Variants in ZNF208 observed in about 807,000 individuals in gnomAD.
ZNF208 encodes the protein zinc finger protein 95.
In ZNF208, 10 loss-of-function variants were observed where a neutral mutation model predicts 12.1. That is an observed-to-expected ratio of 0.83 (90% CI 0.51 to 1.40). ZNF208 has a LOEUF of 1.40. ZNF208 is among the 40% of genes most tolerant of loss of function. The pLI, the probability that ZNF208 is intolerant of heterozygous loss-of-function variation, is 0.00. For missense variants in ZNF208, 1,652 were observed against 1,485.0 expected, an observed-to-expected ratio of 1.11 and a Z score of -1.85; for synonymous variants, 497 against 488.4, an observed-to-expected ratio of 1.02 and a Z score of -0.23.
chr19:21,943,087 A>G (rs2175367), intron 4 of ZNF208, among the ~76,000 whole-genome samples: 58,570 of 152,088 alleles, frequency 0.39, 11,713 homozygotes, highest in East Asian at 0.5. Context: ...ACTGTTACCT[A>G]AAAAATCAAC....
chr19:21,981,175 T>C, intron 3 of ZNF208, among the ~76,000 whole-genome samples: 1 of 151,832 alleles, frequency 6.6e-6, no homozygotes. Flanking sequence ...TTCCCAACAA[T>C]GGAAAAAGAG....
intron 1 of ZNF208, among the ~76,000 whole-genome samples, chr19:22,007,619 GT>G (rs1316609875): frequency 6.7e-6 from 1 of 149,998 alleles, no homozygotes; most frequent in Non-Finnish European, 1.5e-5. Context: ...ATTAGATATT[GT>G]TTTTTGAAAT....
At chr19:21,981,842 A>T (rs1970544363) in intron 3 of ZNF208, among the ~76,000 whole-genome samples, 1 of 152,202 alleles carries the variant, frequency 6.6e-6, no homozygotes, top group Non-Finnish European at 1.5e-5. Flanking sequence ...CCCTAAATGG[A>T]TAAGCAACTT....
chr19:21,973,508 G>T lies in ZNF208; in HGVS notation c.1526C>A (p.Ser509Tyr), dbSNP rs754034876. ...CEECGKAFNW[S>Y]SNLMEHKRIH... ...TCTCTTATGTTCCATAAGGTTTGAG[G>T]ACCAGTTGAAAGCTTTGCCACATTC... Residue 509 changes from serine to tyrosine, a missense_variant, in exon 4 of 4, where the codon TCC becomes TAC. This residue lies in a region of ZNF208 where 1,239 missense variants were observed against 1,086.2 expected (regional missense o/e 1.14). Coordinates refer to ENST00000397126, the MANE Select transcript of ZNF208 (RefSeq NM_007153.3). 1 of 1,610,572 alleles carries T rather than the reference G, an allele frequency of 6.2e-7. No individual in the cohort carries two copies. Among genetic ancestry groups the T allele is most frequent in the Non-Finnish European group, 8.5e-7 (1 of 1,179,176 alleles).
chr19:22,010,847 G>T lies in ZNF208; in HGVS notation c.-53C>A, dbSNP rs2145593084. ...CTTAGTTGTGGATCTCCCAATACCTGCAGGTCATAGGGCCACAGAGGCTGG... is the reference window on the plus strand; with the variant it reads ...CTTAGTTGTGGATCTCCCAATACCTTCAGGTCATAGGGCCACAGAGGCTGG... On this transcript the variant is annotated 5_prime_UTR_variant, in exon 1 of 4. It introduces an in-frame stop codon into an upstream open reading frame of the 5' UTR. Coordinates refer to ENST00000397126, the MANE Select transcript of ZNF208 (RefSeq NM_007153.3). 1 of 1,612,152 alleles carries T rather than the reference G, an allele frequency of 6.2e-7. No individual in the cohort carries two copies. Among genetic ancestry groups the T allele is most frequent in the Non-Finnish European group, 8.5e-7 (1 of 1,178,374 alleles).
intron 4 of ZNF208, chr19:21,940,428 A>C (rs1969716598): frequency 6.6e-6 from 1 of 152,180 alleles, no homozygotes; most frequent in Admixed American, 6.5e-5. Flanking sequence ...TTAGTCTCTA[A>C]GTTTGTGACC....
chr19:22,002,518 G>A (rs963570394), intron 1 of ZNF208, among the ~76,000 whole-genome samples: 42 of 152,110 alleles, frequency 2.8e-4, no homozygotes, highest in Non-Finnish European at 4.7e-4. Context: ...CAAAAGAAAT[G>A]TACAAAAATT....
At chr19:21,940,433 G>C (rs1023223645) in intron 4 of ZNF208, 4 of 152,094 alleles carry the variant, frequency 2.6e-5, no homozygotes, top group African/African-American at 7.2e-5. Flanking sequence ...CTCTAAGTTT[G>C]TGACCATTAA....
At chr19:21,941,452 CCACA>C (rs1459335058) in intron 4 of ZNF208, 1 of 398,806 alleles carries the variant, frequency 2.5e-6, no homozygotes, top group African/African-American at 2.1e-5. Context: ...ATCACAGTCA[CCACA>C]CAGTGAGTTA....
intron 4 of ZNF208, among the ~76,000 whole-genome samples, chr19:21,944,997 A>C (rs987226363): frequency 1.3e-5 from 2 of 152,224 alleles, no homozygotes; most frequent in Non-Finnish European, 2.9e-5. Flanking sequence ...CAGCATGCAC[A>C]TTTTGATTTT....
rs1341014169 is a variant in ZNF208, at chr19:21,968,580, T to C, written c.*2611A>G. 1 of 152,166 alleles carries C rather than the reference T, an allele frequency of 6.6e-6. No homozygotes were observed. The highest frequency in any genetic ancestry group is 2.4e-5 in the African/African-American group (1 of 41,446). 9.4% of individuals were successfully genotyped at this position (152,166 alleles called of 1,614,324 possible). A position where few individuals can be genotyped will look rare whatever the true frequency, so the allele number is the denominator to read the frequency against. ...ATAACTTTCTGATTTGCTTTTGAAT[T>C]CAGTTTGCTAGTATTTCATGGAGGA... is the stretch of plus-strand genomic sequence containing the variant. On this transcript the variant is annotated 3_prime_UTR_variant, in exon 4 of 4. Coordinates refer to ENST00000397126, the MANE Select transcript of ZNF208 (RefSeq NM_007153.3).
Position 21,972,261 on chromosome 19 carries a change from C to G in ZNF208, c.2773G>C (p.Ala925Pro). Residue 925 changes from alanine to proline, a missense_variant, in exon 4 of 4, where the codon GCC becomes CCC. Around this residue, in one of 3 missense-constraint regions of ZNF208, gnomAD observed 1,239 missense variants for 1,086.2 expected, o/e 1.14. Coordinates refer to ENST00000397126, the MANE Select transcript of ZNF208 (RefSeq NM_007153.3). The stretch of plus-strand genomic sequence containing the variant: ...CTAAAGACTGACAACCAGCTGAAGG[C>G]TTTGCCACATTCTTCACATTTGTAG... The part of the protein sequence containing the change: ...KPYKCEECGK[A>P]FSWLSVFSKH... The G allele has an allele frequency of 3.1e-6, 5 of 1,613,682 alleles. No homozygotes were observed. The highest frequency in any genetic ancestry group is 3.4e-6 in the Non-Finnish European group (4 of 1,179,908).
intron 1 of ZNF208, among the ~76,000 whole-genome samples, chr19:22,001,443 T>A (rs1210091510): frequency 6.6e-6 from 1 of 152,208 alleles, no homozygotes; most frequent in Non-Finnish European, 1.5e-5. Context: ...AAGCTGATAT[T>A]ATTTTTACTA....
rs531810537 is a variant in ZNF208, at chr19:21,996,933, G to A, written c.4-8024C>T. Among the ~76,000 whole-genome samples the A allele has an allele frequency of 1.9e-4, 29 of 152,264 alleles. No individual in the cohort carries two copies. The South Asian group carries it at 2.5e-3, about 13-fold the overall frequency. On this transcript the variant is annotated intron_variant, in intron 1 of 3. Transcript: ENST00000397126. The stretch of plus-strand genomic sequence containing the variant: ...ACACAATTCCACCTGCATATTTAGG[G>A]TACAGCATGCACTTCACAGCACAAC...
intron 4 of ZNF208, among the ~76,000 whole-genome samples, chr19:21,951,717 C>T (rs1969891202): frequency 1.3e-5 from 2 of 152,180 alleles, no homozygotes; most frequent in African/African-American, 2.4e-5. Flanking sequence ...TGGTCTGCAG[C>T]TCCAAATGTG....
chr19:21,969,370 A>G lies in ZNF208; in HGVS notation c.*1821T>C, dbSNP rs531013792. On this transcript the variant is annotated 3_prime_UTR_variant, in exon 4 of 4. Transcript: ENST00000397126. ...CTACTTCTTTTAAAGTTATATACAA[A>G]TAATTCTTCTTTTTGCCAACTTTAG... Among the ~76,000 whole-genome samples, 14 of 152,256 alleles carry G rather than the reference A, an allele frequency of 9.2e-5. No individual in the cohort carries two copies. The highest frequency in any genetic ancestry group is 3.1e-4 in the African/African-American group (13 of 41,554).
At chr19:21,948,891 T>C (rs1969852833) in intron 4 of ZNF208, among the ~76,000 whole-genome samples, 1 of 152,050 alleles carries the variant, frequency 6.6e-6, no homozygotes, top group Non-Finnish European at 1.5e-5. Flanking sequence ...CCAATGAGAA[T>C]AAAAACAATG....
In ZNF208 at chr19:21,989,417, A is replaced by G. The variant is rs529463656; in HGVS notation, c.4-508T>C. Among the ~76,000 whole-genome samples, 87 of 151,930 alleles carry G rather than the reference A, an allele frequency of 5.7e-4. 1 individual carries two copies. The South Asian group carries it at 0.017, about 30-fold the overall frequency. ...TCCCAACAAAGGACATGAACTCATCATTTTTTATGGCTGCATAGTATTCCA... is the reference window on the plus strand; with the variant it reads ...TCCCAACAAAGGACATGAACTCATCGTTTTTTATGGCTGCATAGTATTCCA... On this transcript the variant is annotated intron_variant, in intron 1 of 3. Coordinates refer to ENST00000397126, the MANE Select transcript of ZNF208 (RefSeq NM_007153.3).
intron 3 of ZNF208, among the ~76,000 whole-genome samples, chr19:21,985,767 A>G (rs1177290467): frequency 2.6e-5 from 4 of 151,846 alleles, no homozygotes; most frequent in Non-Finnish European, 5.9e-5. Context: ...CCAGTTTCCT[A>G]AGCCACGGTT....
Sources: gnomAD v4.1 joint callset for allele counts (sites outside exome capture counted in the v4.1 genomes callset) on GRCh38, gnomAD v4.1.1 for gene constraint, gnomAD v4.1.1 regional missense constraint, MANE v1.5 for transcripts, NCBI Gene and HGNC (gene_info 2026-07-23, HGNC 2026-07-21) for gene names.